DACH1: variants seen among roughly 807,000 people sequenced by gnomAD.
The protein encoded by DACH1 is dachshund homolog 1.
A neutral mutation model predicts 54.2 loss-of-function variants in DACH1; 12 were observed. The observed-to-expected ratio is 0.22, with a 90% CI of 0.14 to 0.36. DACH1 has a LOEUF of 0.36. Ranked by LOEUF, DACH1 falls within the 10% of genes least tolerant of loss-of-function variation. The pLI, the probability that DACH1 is intolerant of heterozygous loss-of-function variation, is 1.00. For synonymous variants in DACH1, 386 were observed against 366.2 expected (o/e 1.05, Z -0.62); for missense variants, 805 against 929.8 (o/e 0.87, Z 1.75).
intron 3 of DACH1, among the ~76,000 whole-genome samples, chr13:71,614,512 C>T (rs2138524593): frequency 6.6e-6 from 1 of 151,932 alleles, no homozygotes; most frequent in East Asian, 1.9e-4. Context: ...AAAGTGACAC[C>T]AAGGCTAAGG....
chr13:71,494,767 C>G (rs1220927548), intron 6 of DACH1, among the ~76,000 whole-genome samples: 3 of 151,618 alleles, frequency 2.0e-5, no homozygotes, highest in Non-Finnish European at 2.9e-5. Context: ...AACATACAGT[C>G]AATTAGAATA....
intron 6 of DACH1, among the ~76,000 whole-genome samples, chr13:71,516,822 G>A (rs1432016312): frequency 6.6e-6 from 1 of 151,724 alleles, no homozygotes; most frequent in East Asian, 1.9e-4. Flanking sequence ...AAACATTAGA[G>A]ATTATTCTAG....
intron 1 of DACH1, among the ~76,000 whole-genome samples, chr13:71,702,549 C>T (rs555524150): frequency 8.6e-5 from 13 of 151,972 alleles, no homozygotes; most frequent in South Asian, 2.1e-4. Context: ...AATATTGTCA[C>T]GCAAAAGGTA....
intron 1 of DACH1, among the ~76,000 whole-genome samples, chr13:71,695,928 TG>T: frequency 6.6e-6 from 1 of 152,354 alleles, no homozygotes; most frequent in Admixed American, 6.5e-5. Flanking sequence ...ATGGGCCATG[TG>T]TGATCTACTA....
At chr13:71,519,554 T>C (rs933386912) in intron 6 of DACH1, among the ~76,000 whole-genome samples, 21 of 151,606 alleles carry the variant, frequency 1.4e-4, no homozygotes, top group Admixed American at 6.6e-5. Context: ...AGCTAATAAA[T>C]GTCACAATTT....
At chr13:71,555,790 T>C (rs1475495027) in intron 6 of DACH1, among the ~76,000 whole-genome samples, 6 of 152,166 alleles carry the variant, frequency 3.9e-5, no homozygotes, top group Admixed American at 2.6e-4. Flanking sequence ...GTTAAAAATT[T>C]AGAGACCATC....
chr13:71,643,653 TAGA>T (rs1007992665), intron 2 of DACH1, among the ~76,000 whole-genome samples: 9 of 152,068 alleles, frequency 5.9e-5, no homozygotes, highest in Non-Finnish European at 1.0e-4. Context: ...AACCGAAAAA[TAGA>T]AGAAGAAAAA....
intron 6 of DACH1, among the ~76,000 whole-genome samples, chr13:71,521,861 C>T (rs926907314): frequency 6.6e-6 from 1 of 152,094 alleles, no homozygotes; most frequent in South Asian, 2.1e-4. Flanking sequence ...ACTGTCCATA[C>T]TAATAATAAT....
intron 1 of DACH1, among the ~76,000 whole-genome samples, chr13:71,724,014 T>C (rs908618201): frequency 2.0e-5 from 3 of 152,176 alleles, no homozygotes; most frequent in African/African-American, 7.2e-5. Flanking sequence ...TGTTTTCACT[T>C]TCCTTTCAGA....
intron 2 of DACH1, among the ~76,000 whole-genome samples, chr13:71,645,590 G>A (rs922634688): frequency 1.3e-5 from 2 of 152,110 alleles, no homozygotes; most frequent in Admixed American, 6.5e-5. Context: ...ACAGTACACA[G>A]GGAGGATAAG....
intron 1 of DACH1, among the ~76,000 whole-genome samples, chr13:71,795,599 T>C (rs1175521155): frequency 6.6e-6 from 1 of 152,168 alleles, no homozygotes. Context: ...ATGCACTTAG[T>C]ATAATGTCTG....
At chr13:71,690,311 C>T (rs1427395114) in intron 1 of DACH1, among the ~76,000 whole-genome samples, 3 of 152,140 alleles carry the variant, frequency 2.0e-5, no homozygotes, top group Non-Finnish European at 4.4e-5. Context: ...TATGATTTCT[C>T]CCAGAGTTAA....
At chr13:71,668,051 T>C (rs1879961964) in intron 2 of DACH1, among the ~76,000 whole-genome samples, 1 of 152,068 alleles carries the variant, frequency 6.6e-6, no homozygotes, top group Non-Finnish European at 1.5e-5. Context: ...TGAAAAACTT[T>C]CACAATGTTA....
chr13:71,496,213 G>A (rs1448002350), intron 6 of DACH1, among the ~76,000 whole-genome samples: 1 of 144,962 alleles, frequency 6.9e-6, no homozygotes, highest in African/African-American at 2.6e-5. Flanking sequence ...ACTCCAGCCT[G>A]AGCGACACAG....
intron 6 of DACH1, among the ~76,000 whole-genome samples, chr13:71,511,197 G>T (rs1880748307): frequency 6.6e-6 from 1 of 152,008 alleles, no homozygotes; most frequent in South Asian, 2.1e-4. Context: ...GAGTATGGAA[G>T]AAAGATGAGC....
At chr13:71,781,478 A>C (rs1886375427) in intron 1 of DACH1, among the ~76,000 whole-genome samples, 1 of 151,762 alleles carries the variant, frequency 6.6e-6, no homozygotes, top group African/African-American at 2.4e-5. Flanking sequence ...TCCTGGGTTC[A>C]TGCCATTCTC....
chr13:71,559,101 AT>A lies in DACH1; in HGVS notation c.1435+718del, dbSNP rs558633840. On this transcript the variant is annotated intron_variant, in intron 5 of 10. Coordinates refer to ENST00000613252, the MANE Select transcript of DACH1 (RefSeq NM_080759.6). ...TTTATCAAAAGAACAATCTGAGATTATTGTACAGACACAAAAATCACTTGTT... is the reference window on the plus strand; with the variant it reads ...TTTATCAAAAGAACAATCTGAGATTATGTACAGACACAAAAATCACTTGTT... Among the ~76,000 whole-genome samples, 21 of 152,220 alleles carry A rather than the reference AT, an allele frequency of 1.4e-4. No individual in the cohort carries two copies. In the South Asian group the frequency reaches 4.3e-3, roughly 32 times the overall value.
intron 1 of DACH1, among the ~76,000 whole-genome samples, chr13:71,746,916 C>T (rs1884624136): frequency 6.6e-6 from 1 of 151,874 alleles, no homozygotes; most frequent in African/African-American, 2.4e-5. Flanking sequence ...CAAAAATATT[C>T]AGCTTGATAG....
At chr13:71,520,968 C>T (rs769881517) in intron 6 of DACH1, among the ~76,000 whole-genome samples, 1 of 151,986 alleles carries the variant, frequency 6.6e-6, no homozygotes, top group Non-Finnish European at 1.5e-5. Context: ...AGCTACATCA[C>T]TTTTAAGCTC....
Sources: allele counts gnomAD v4.1 joint callset (sites outside exome capture counted in the v4.1 genomes callset), GRCh38; gene constraint gnomAD v4.1.1; transcripts MANE v1.5; gene names NCBI Gene and HGNC (gene_info 2026-07-23, HGNC 2026-07-21).